PCDH15: variants seen among roughly 807,000 people sequenced by gnomAD.
The protein encoded by PCDH15 is protocadherin-15.
In PCDH15, 129 loss-of-function variants were observed where a neutral mutation model predicts 178.5. That is an observed-to-expected ratio of 0.72 (90% confidence interval 0.63 to 0.84). The LOEUF is 0.84. PCDH15 is among the 40% of genes least tolerant of loss of function. PCDH15 has a pLI of 0.00. For missense variants in PCDH15, 2,230 were observed against 2,099.9 expected, an observed-to-expected ratio of 1.06 and a Z score of -1.21; for synonymous variants, 800 against 732.0, an observed-to-expected ratio of 1.09 and a Z score of -1.50.
In PCDH15 at chr10:54,843,655, T is replaced by A. The variant is rs371994392; in HGVS notation, c.-29+53795A>T. Among the ~76,000 whole-genome samples, 8 of 152,150 alleles carry A rather than the reference T, an allele frequency of 5.3e-5. 1 individual carries two copies. The highest frequency in any genetic ancestry group is 2.0e-4 in the Admixed American group (3 of 15,250). ...TTAACATTTTATAACATAGAGTGAA[T>A]TTCATTAAGATGATTTCATTAAGAT... is the stretch of plus-strand genomic sequence containing the variant. On this transcript the variant is annotated intron_variant, in intron 3 of 5. Coordinates refer to the PCDH15 transcript ENST00000458638.
At chr10:55,544,408 G>A (rs1285864716) in intron 2 of PCDH15, among the ~76,000 whole-genome samples, 2 of 151,542 alleles carry the variant, frequency 1.3e-5, no homozygotes, top group Non-Finnish European at 2.9e-5. Context: ...ATGTCCAAGA[G>A]TGAAAAGGCA....
At chr10:54,376,177 G>A (rs989195427) in intron 4 of PCDH15, among the ~76,000 whole-genome samples, 1 of 151,686 alleles carries the variant, frequency 6.6e-6, no homozygotes, top group African/African-American at 2.4e-5. Context: ...TTACAGGCAT[G>A]AGCCATCACA....
At chr10:53,897,709 A>C (rs942574154) in intron 26 of PCDH15, among the ~76,000 whole-genome samples, 1 of 151,622 alleles carries the variant, frequency 6.6e-6, no homozygotes, top group Admixed American at 6.6e-5. Context: ...CTCCCACTTC[A>C]CCCCTAAACC....
intron 1 of PCDH15, among the ~76,000 whole-genome samples, chr10:55,172,627 T>C (rs1381952970): frequency 6.6e-6 from 1 of 152,080 alleles, no homozygotes; most frequent in Non-Finnish European, 1.5e-5. Context: ...ATTTTTGGCA[T>C]ACTTCAAGAG....
In PCDH15 at chr10:54,020,318, C is replaced by T. The variant is rs111033516; in HGVS notation, c.2625G>A (p.Ser875=). The T allele has an allele frequency of 5.5e-3, 8,932 of 1,613,736 alleles. 42 individuals carry two copies. Among genetic ancestry groups the T allele is most frequent in the Non-Finnish European group, 6.9e-3 (8,171 of 1,179,772 alleles). Residue 875 remains serine, a synonymous_variant, in exon 20 of 38, where the codon TCG becomes TCA. Coordinates refer to ENST00000644397, the MANE Select transcript of PCDH15 (RefSeq NM_001384140.1). The part of the protein sequence containing the change: ...FALHPFTGEL[S]LLRSLDYEAF... ...CCTCATAATCTAAACTCCTTAAAAG[C>T]GATAGTTCTCCTGTAAATGGATGTA...
intron 2 of PCDH15, among the ~76,000 whole-genome samples, chr10:55,163,279 C>T (rs1839110327): frequency 1.3e-5 from 2 of 152,220 alleles, no homozygotes; most frequent in African/African-American, 4.8e-5. Flanking sequence ...TATATCTGGG[C>T]AAGATGAACC....
At chr10:53,903,041 T>A (rs1285334130) in intron 26 of PCDH15, among the ~76,000 whole-genome samples, 1 of 152,134 alleles carries the variant, frequency 6.6e-6, no homozygotes, top group East Asian at 1.9e-4. Flanking sequence ...ATTTTCATAG[T>A]AAAATGAAAC....
At chr10:54,984,857 C>T (rs1287740981) in intron 2 of PCDH15, among the ~76,000 whole-genome samples, 1 of 152,138 alleles carries the variant, frequency 6.6e-6, no homozygotes, top group African/African-American at 2.4e-5. Flanking sequence ...TTTTTAAAGA[C>T]AGTTTTCCCT....
chr10:54,249,192 C>A (rs2056263049), intron 8 of PCDH15, among the ~76,000 whole-genome samples: 1 of 151,972 alleles, frequency 6.6e-6, no homozygotes, highest in Non-Finnish European at 1.5e-5. Context: ...TAATATTTTA[C>A]CATGTTCCAT....
chr10:55,582,626 ATATTTTTT>A (rs1230118859), intron 2 of PCDH15, among the ~76,000 whole-genome samples: 18 of 61,228 alleles, frequency 2.9e-4, no homozygotes, highest in African/African-American at 1.2e-3. Flanking sequence ...ATATATATAT[ATATTTTTT>A]TTTTTTTGCT....
At chr10:54,408,179 T>A (rs1482702438) in intron 3 of PCDH15, among the ~76,000 whole-genome samples, 4 of 149,202 alleles carry the variant, frequency 2.7e-5, no homozygotes, top group Admixed American at 6.8e-5. Context: ...AAAAAAAAAA[T>A]TGATGCATGC....
At chr10:54,193,062 C>T (rs901053397) in intron 11 of PCDH15, among the ~76,000 whole-genome samples, 1 of 152,168 alleles carries the variant, frequency 6.6e-6, no homozygotes, top group African/African-American at 2.4e-5. Context: ...CTGCCAAAAA[C>T]ACTTCAGAGC....
intron 3 of PCDH15, among the ~76,000 whole-genome samples, chr10:54,469,761 A>T (rs369983717): frequency 6.6e-6 from 1 of 152,054 alleles, no homozygotes; most frequent in East Asian, 1.9e-4. Flanking sequence ...CTCTGGCTCC[A>T]AGGCAGTGGG....
At chr10:55,131,147 T>C (rs1838031243) in intron 2 of PCDH15, among the ~76,000 whole-genome samples, 1 of 152,206 alleles carries the variant, frequency 6.6e-6, no homozygotes, top group African/African-American at 2.4e-5. Flanking sequence ...TACTGTGTCA[T>C]ACAGAATAGT....
At chr10:53,883,869 C>A (rs896979392) in intron 26 of PCDH15, among the ~76,000 whole-genome samples, 1 of 152,242 alleles carries the variant, frequency 6.6e-6, no homozygotes, top group African/African-American at 2.4e-5. Context: ...GTGTGTGTCA[C>A]TGCACCCGGC....
At chr10:54,769,761 G>A (rs11004564) in intron 1 of PCDH15, among the ~76,000 whole-genome samples, 72,091 of 151,772 alleles carry the variant, frequency 0.47, 17,601 homozygotes, top group East Asian at 0.62. Context: ...TCCCTCAACA[G>A]TATTTCTTCC....
chr10:54,568,188 C>T (rs2089306678), intron 2 of PCDH15, among the ~76,000 whole-genome samples: 1 of 151,890 alleles, frequency 6.6e-6, no homozygotes, highest in Non-Finnish European at 1.5e-5. Context: ...TAAGTACTTC[C>T]CCATGTTAGT....
At chr10:53,856,149 G>A (rs891070013) in intron 28 of PCDH15, among the ~76,000 whole-genome samples, 3 of 151,138 alleles carry the variant, frequency 2.0e-5, no homozygotes, top group South Asian at 4.2e-4. Flanking sequence ...GGAGGTGAGG[G>A]ATAAAGACTG....
intron 2 of PCDH15, among the ~76,000 whole-genome samples, chr10:55,411,818 T>A (rs1012105317): frequency 6.6e-6 from 1 of 152,048 alleles, no homozygotes. Flanking sequence ...ATAATTTGTG[T>A]CTCCTTCACA....
Sources: allele counts gnomAD v4.1 joint callset (sites outside exome capture counted in the v4.1 genomes callset), GRCh38; gene constraint gnomAD v4.1.1; transcripts MANE v1.5; gene names NCBI Gene and HGNC (gene_info 2026-07-23, HGNC 2026-07-21).